Variants in RBFOX1 observed in about 807,000 individuals in gnomAD.
RBFOX1 encodes RNA binding protein fox-1 homolog 1.
RBFOX1 carries 8 observed loss-of-function variants against 57.7 expected under a neutral mutation model. That is an observed-to-expected ratio of 0.14 (90% confidence interval 0.08 to 0.25). The LOEUF (loss-of-function observed/expected upper bound fraction) is 0.25, where lower values mean the gene tolerates loss of function less well. Ranked by LOEUF, RBFOX1 falls within the 10% of genes least tolerant of loss-of-function variation. The pLI, the probability that RBFOX1 is intolerant of heterozygous loss-of-function variation, is 1.00. For missense variants in RBFOX1, 611 were observed against 548.5 expected (o/e 1.11, Z -1.14); for synonymous variants, 326 against 222.4 (o/e 1.47, Z -4.15).
rs1421827450 is a variant in RBFOX1, at chr16:7,114,148, G to GT, written c.27+62051dup. 3.2e-4 allele frequency among the ~76,000 whole-genome samples: 48 copies of GT among 152,168 alleles called. 1 individual carries two copies. The highest frequency in any genetic ancestry group is 3.1e-3 in the Admixed American group (48 of 15,272). ...CCTCTTGAGTTTTTAACTTTCAGTTGTACTTAAGAGATCAGAGTTGGTGTT... is the reference window on the plus strand; with the variant it reads ...CCTCTTGAGTTTTTAACTTTCAGTTGTTACTTAAGAGATCAGAGTTGGTGTT... On this transcript the variant is annotated intron_variant, in intron 4 of 15. Coordinates refer to ENST00000550418, the MANE Select transcript of RBFOX1 (RefSeq NM_018723.4).
At chr16:6,872,895 A>G (rs915617385) in intron 3 of RBFOX1, among the ~76,000 whole-genome samples, 1 of 152,216 alleles carries the variant, frequency 6.6e-6, no homozygotes, top group Non-Finnish European at 1.5e-5. Flanking sequence ...TTGTGCTATT[A>G]GGAAGAAAGC....
At chr16:6,914,711 C>A (rs8060416) in intron 3 of RBFOX1, among the ~76,000 whole-genome samples, 56,257 of 152,022 alleles carry the variant, frequency 0.37, 11,930 homozygotes, top group African/African-American at 0.57. Flanking sequence ...CCATCTGTAC[C>A]AATAAGCTGA....
intron 2 of RBFOX1, among the ~76,000 whole-genome samples, chr16:6,431,101 G>A (rs2094069251): frequency 6.6e-6 from 1 of 152,042 alleles, no homozygotes; most frequent in African/African-American, 2.4e-5. Context: ...TTGTGCCATT[G>A]CACTGCAGTC....
Position 6,598,000 on chromosome 16 carries a change from T to C in RBFOX1, c.-63-56603T>C, listed in dbSNP as rs141072773. Among the ~76,000 whole-genome samples, 10 of 152,332 alleles carry C rather than the reference T, an allele frequency of 6.6e-5. No homozygotes were observed. The East Asian group carries it at 1.5e-3, about 24-fold the overall frequency. On this transcript the variant is annotated intron_variant, in intron 2 of 15. Transcript: ENST00000550418. Reference sequence around the variant, plus strand: ...TTGCTCAGAAAGTCCAGGGCTGCCTTTTATTCTGGAATTCTTATTTAAGAC... The same window carrying C: ...TTGCTCAGAAAGTCCAGGGCTGCCTCTTATTCTGGAATTCTTATTTAAGAC...
At chr16:6,655,246 T>C (rs2058525) in intron 3 of RBFOX1, among the ~76,000 whole-genome samples, 110,787 of 149,918 alleles carry the variant, frequency 0.74, 40,958 homozygotes, top group Admixed American at 0.78. Context: ...TGGTGGCACA[T>C]GCCTGTAATC....
intron 3 of RBFOX1, among the ~76,000 whole-genome samples, chr16:5,674,400 T>A (rs1279991748): frequency 1.3e-5 from 2 of 152,088 alleles, no homozygotes; most frequent in Non-Finnish European, 2.9e-5. Context: ...GAGCTGAAGT[T>A]TAGTGAGGTA....
chr16:6,206,435 A>G (rs2097255844), intron 1 of RBFOX1, among the ~76,000 whole-genome samples: 1 of 152,120 alleles, frequency 6.6e-6, no homozygotes, highest in South Asian at 2.1e-4. Flanking sequence ...AATTCTTGCT[A>G]TGATAAACAA....
intron 3 of RBFOX1, among the ~76,000 whole-genome samples, chr16:6,984,809 T>G (rs1338854568): frequency 6.6e-6 from 1 of 152,020 alleles, no homozygotes; most frequent in Middle Eastern, 3.2e-3. Flanking sequence ...CCTGGCTAAT[T>G]TTTGTATTTT....
At chr16:6,872,597 C>T (rs1167284635) in intron 3 of RBFOX1, among the ~76,000 whole-genome samples, 1 of 152,124 alleles carries the variant, frequency 6.6e-6, no homozygotes, top group East Asian at 1.9e-4. Flanking sequence ...GGCAACAAAA[C>T]ACCCAATTAA....
intron 4 of RBFOX1, among the ~76,000 whole-genome samples, chr16:5,961,579 G>C (rs1007118055): frequency 3.9e-5 from 6 of 152,086 alleles, no homozygotes; most frequent in East Asian, 1.9e-4. Context: ...AAGTGCAGTG[G>C]TGCAATCATG....
Position 5,819,998 on chromosome 16 carries a change from C to G in RBFOX1, c.319-47305C>G, listed in dbSNP as rs966567716. Among the ~76,000 whole-genome samples the G allele has an allele frequency of 3.3e-5, 5 of 152,306 alleles. No individual in the cohort carries two copies. In the East Asian group the frequency reaches 5.8e-4, roughly 18 times the overall value. On this transcript the variant is annotated intron_variant, in intron 3 of 19. Coordinates refer to the RBFOX1 transcript ENST00000641259. ...TTACAAGCCAACATCCCCCACCAGA[C>G]CGGGACCTCTGGCAGGGAGGGGTGA... is the stretch of plus-strand genomic sequence containing the variant.
chr16:6,734,244 A>G (rs1393691822), intron 3 of RBFOX1, among the ~76,000 whole-genome samples: 2 of 152,138 alleles, frequency 1.3e-5, no homozygotes. Flanking sequence ...CTCCCATTGA[A>G]TATCTATGAA....
chr16:6,285,608 G>A (rs151092363), intron 1 of RBFOX1, among the ~76,000 whole-genome samples: 1 of 152,096 alleles, frequency 6.6e-6, no homozygotes. Context: ...TTTTGTTCTG[G>A]TGAGAGGTTT....
intron 4 of RBFOX1, among the ~76,000 whole-genome samples, chr16:7,189,962 G>GTAGA (rs142746226): frequency 0.011 from 1,736 of 152,322 alleles, 34 homozygotes; most frequent in African/African-American, 0.039. Context: ...TGATGCAAAT[G>GTAGA]TAGAGTTCTT....
rs191953466 is a variant in RBFOX1, at chr16:5,810,695, A to G, written c.319-56608A>G. On this transcript the variant is annotated intron_variant, in intron 3 of 19. Transcript: ENST00000641259. ...AATTCAGGAGTAGGGTCTTCATACA[A>G]TAAACCCAGACTTCCATCCCATTTG... is the stretch of plus-strand genomic sequence containing the variant. 2.0e-3 allele frequency among the ~76,000 whole-genome samples: 304 copies of G among 152,330 alleles called. 1 individual carries two copies. Among genetic ancestry groups the G allele is most frequent in the East Asian group, 0.012 (64 of 5,180 alleles).
At chr16:5,454,768 TC>T (rs369976279) in intron 1 of RBFOX1, among the ~76,000 whole-genome samples, 779 of 16,622 alleles carry the variant, frequency 0.047, 20 homozygotes, top group Non-Finnish European at 0.055. Context: ...TCTTTCTTTC[TC>T]TTTCTTTCTT....
chr16:5,339,596 C>A (rs2064990161), intron 1 of RBFOX1, among the ~76,000 whole-genome samples: 1 of 146,098 alleles, frequency 6.8e-6, no homozygotes, highest in Non-Finnish European at 1.5e-5. Context: ...GATTCTCCTT[C>A]CTCACCTTCC....
chr16:6,616,821 C>G (rs1031327086), intron 2 of RBFOX1, among the ~76,000 whole-genome samples: 2 of 152,222 alleles, frequency 1.3e-5, no homozygotes, highest in Non-Finnish European at 2.9e-5. Context: ...CTGCCATAAT[C>G]TAACATCACG....
chr16:6,280,001 A>G (rs1376632997), intron 1 of RBFOX1, among the ~76,000 whole-genome samples: 3 of 152,136 alleles, frequency 2.0e-5, no homozygotes, highest in Non-Finnish European at 1.5e-5. Flanking sequence ...TGGGGACATT[A>G]CAGAAGCCTA....
Sources: allele counts gnomAD v4.1 joint callset (sites outside exome capture counted in the v4.1 genomes callset), GRCh38; gene constraint gnomAD v4.1.1; transcripts MANE v1.5; gene names NCBI Gene and HGNC (gene_info 2026-07-23, HGNC 2026-07-21).